The following HSPBP1 variants were observed in gnomAD, a reference collection of about 807,000 sequenced individuals.
HSPBP1 encodes the protein hsp70-binding protein 1.
HSPBP1 carries 31 observed loss-of-function variants against 41.7 expected under a neutral mutation model. That is an observed-to-expected ratio of 0.74 (90% CI 0.56 to 1.00). The LOEUF (loss-of-function observed/expected upper bound fraction) is 1.00, where lower values mean the gene tolerates loss of function less well. Ranked by LOEUF, HSPBP1 falls within the 50% of genes least tolerant of loss-of-function variation. The probability of loss-of-function intolerance (pLI) is 0.00; values close to 1 mark genes in which losing one functional copy is unlikely to be tolerated. For missense variants in HSPBP1, 439 were observed against 487.9 expected (o/e 0.90, Z 0.94); for synonymous variants, 199 against 214.4 (o/e 0.93, Z 0.63).
At chr19:55,263,255 G>C (rs1399893425) in intron 7 of HSPBP1, among the ~76,000 whole-genome samples, 1 of 152,158 alleles carries the variant, frequency 6.6e-6, no homozygotes, top group African/African-American at 2.4e-5. Flanking sequence ...TTCACTCATG[G>C]GAGAAATGTA....
intron 7 of HSPBP1, among the ~76,000 whole-genome samples, chr19:55,264,189 G>A (rs541502829): frequency 1.3e-5 from 2 of 152,130 alleles, no homozygotes; most frequent in South Asian, 4.2e-4. Context: ...GGCTGGTCTC[G>A]AACTCCTGAC....
chr19:55,265,260 C>T lies in HSPBP1; in HGVS notation c.1005+18G>A, dbSNP rs775660062. 27 of 1,578,598 alleles carry T rather than the reference C, an allele frequency of 1.7e-5. No homozygotes were observed. Among genetic ancestry groups the T allele is most frequent in the East Asian group, 1.1e-4 (5 of 44,294 alleles). The stretch of plus-strand genomic sequence containing the variant: ...CTTGCACCTGGTCCTCCTTGCACCC[C>T]GTCCCCTCCCCATGTACCTGGTACT... On this transcript the variant is annotated intron_variant, in intron 7 of 7. Transcript: ENST00000433386.
chr19:55,262,689 T>TGGGCAG lies in HSPBP1; in HGVS notation c.1006-13_1006-8dup, dbSNP rs2087676851. ...CACAGAACTCCAGCTCCTCCTGGAT[T>TGGGCAG]GGGCAGGGGCAGGGAGCAAGGGGCC... On this transcript the variant is annotated splice_region_variant and splice_polypyrimidine_tract_variant and intron_variant, in intron 7 of 7. Coordinates refer to ENST00000433386, the MANE Select transcript of HSPBP1 (RefSeq NM_012267.5). 6.2e-7 allele frequency: 1 copy of TGGGCAG among 1,611,962 alleles called. No homozygotes were observed. The highest frequency in any genetic ancestry group is 1.3e-5 in the African/African-American group (1 of 74,874).
chr19:55,277,707 T>C lies in HSPBP1; in HGVS notation c.350A>G (p.Gln117Arg). 1 of 1,605,302 alleles carries C rather than the reference T, an allele frequency of 6.2e-7. No homozygotes were observed. The highest frequency in any genetic ancestry group is 8.5e-7 in the Non-Finnish European group (1 of 1,176,848). Residue 117 changes from glutamine to arginine, a missense_variant, in exon 3 of 8, where the codon CAG (glutamine) becomes CGG (arginine). Coordinates refer to ENST00000433386, the MANE Select transcript of HSPBP1 (RefSeq NM_012267.5). ...TAGEAEQAAD[Q>R]QEREGALELL... Reference sequence around the variant, plus strand: ...CTCCAGGGCCCCCTCTCGCTCTTGCTGGTCGGCCGCCTGCTCGGCCTCCCC... The same window carrying C: ...CTCCAGGGCCCCCTCTCGCTCTTGCCGGTCGGCCGCCTGCTCGGCCTCCCC...
In HSPBP1 at chr19:55,273,139, A is replaced by C. The variant is rs924127592; in HGVS notation, c.640+1259T>G. Among the ~76,000 whole-genome samples the C allele has an allele frequency of 3.9e-5, 6 of 152,186 alleles. No individual in the cohort carries two copies. The East Asian group carries it at 1.2e-3, about 30-fold the overall frequency. On this transcript the variant is annotated intron_variant, in intron 4 of 7. Transcript: ENST00000433386. The stretch of plus-strand genomic sequence containing the variant: ...TGAGTAGATGGAGGTACAGTCACGC[A>C]CCACCACGTCCAGCTAATTTTTTAA...
intron 4 of HSPBP1, 51 bp downstream of exon 4, chr19:55,274,347 A>AACCCCCCCCCCC: frequency 3.1e-6 from 1 of 325,718 alleles, no homozygotes; most frequent in East Asian, 5.2e-5. Context: ...CCCACCCGGC[A>AACCCCCCCCCCC]CCCCCCCCCA....
rs1050230814 is a variant in HSPBP1, at chr19:55,277,901, G to A, written c.211-55C>T. 5.8e-5 allele frequency: 80 copies of A among 1,381,044 alleles called. No individual in the cohort carries two copies. In the African/African-American group the frequency reaches 1.0e-3, roughly 18 times the overall value. The allele number at this position is 1,381,044 out of a possible 1,614,324, so 85.5% of individuals were successfully genotyped here. The stretch of plus-strand genomic sequence containing the variant: ...AGATCCATCAGTCATTCATTACAAA[G>A]GAACAGCCATTAATAAAGACAGCCA... On this transcript the variant is annotated intron_variant, in intron 2 of 7. Transcript: ENST00000433386.
intron 4 of HSPBP1, among the ~76,000 whole-genome samples, chr19:55,269,730 G>A (rs1187328603): frequency 2.0e-5 from 3 of 152,200 alleles, no homozygotes; most frequent in East Asian, 3.8e-4. Flanking sequence ...CGGGAGCACA[G>A]AGGATTTGTA....
intron 4 of HSPBP1, among the ~76,000 whole-genome samples, chr19:55,267,479 G>A (rs1239188567): frequency 7.3e-6 from 1 of 137,024 alleles, no homozygotes; most frequent in African/African-American, 2.8e-5. Context: ...TTTTTTTTTT[G>A]AGACAGAGTC....
chr19:55,269,444 G>A (rs2087865750), intron 4 of HSPBP1, among the ~76,000 whole-genome samples: 1 of 152,066 alleles, frequency 6.6e-6, no homozygotes, highest in Admixed American at 6.6e-5. Flanking sequence ...CAGCAGTTGG[G>A]GGCAGGGATC....
In HSPBP1 at chr19:55,270,671, T is replaced by A. The variant is rs1285397878; in HGVS notation, c.640+3727A>T. 6.6e-6 allele frequency among the ~76,000 whole-genome samples: 1 copy of A among 151,952 alleles called. No individual in the cohort carries two copies. The highest frequency in any genetic ancestry group is 1.5e-5 in the Non-Finnish European group (1 of 67,966). On this transcript the variant is annotated intron_variant, in intron 4 of 7. Coordinates refer to ENST00000433386, the MANE Select transcript of HSPBP1 (RefSeq NM_012267.5). The surrounding 1 kb of genome is among the most constrained non-coding windows in gnomAD (Gnocchi z 5.4). ...GAAACGAGATTAATCCGTGTGTCTG[T>A]GTGCACACATACCACACACGACACA...
intron 2 of HSPBP1, 47 bp from the exon 3 acceptor site, chr19:55,277,893 A>G (rs1455731254): frequency 4.2e-6 from 6 of 1,417,178 alleles, no homozygotes; most frequent in Non-Finnish European, 4.7e-6. Context: ...TCAGTCATTC[A>G]TTACAAAGGA....
intron 4 of HSPBP1, among the ~76,000 whole-genome samples, chr19:55,266,791 G>GTA (rs1213736141): frequency 2.6e-5 from 4 of 152,128 alleles, no homozygotes; most frequent in Non-Finnish European, 4.4e-5. Flanking sequence ...TCACAGGGTT[G>GTA]TATAACCATC....
At position 55,273,020 on chromosome 19, in the gene HSPBP1, C is replaced by T. The variant is rs765032499; in HGVS notation, c.640+1378G>A. Among the ~76,000 whole-genome samples the T allele has an allele frequency of 8.5e-5, 13 of 152,154 alleles. 1 individual carries two copies. Among genetic ancestry groups the T allele is most frequent in the Non-Finnish European group, 1.5e-4 (10 of 68,032 alleles). ...TCTGGTTTTTGTGTTTGTTTTCAGA[C>T]AGGTCTTGCTCTGTCACGCAGGCTG... On this transcript the variant is annotated intron_variant, in intron 4 of 7. Transcript: ENST00000433386.
intron 4 of HSPBP1, among the ~76,000 whole-genome samples, 166 bp from the exon 5 acceptor site, chr19:55,266,452 C>A: frequency 7.7e-6 from 1 of 129,698 alleles, no homozygotes; most frequent in Non-Finnish European, 1.7e-5. Context: ...TTCTCATCCT[C>A]ACCACCATCA....
intron 4 of HSPBP1, among the ~76,000 whole-genome samples, chr19:55,267,151 C>T (rs1301891317): frequency 3.3e-5 from 5 of 151,872 alleles, no homozygotes; most frequent in South Asian, 2.1e-4. Flanking sequence ...TATTTATTTA[C>T]TTATTTATTT....
At chr19:55,274,347 A>ACCCCCCCCCCCCCCCCCCCC in intron 4 of HSPBP1, 51 bp downstream of exon 4, 1 of 325,716 alleles carries the variant, frequency 3.1e-6, no homozygotes. Context: ...CCCACCCGGC[A>ACCCCCCCCCCCCCCCCCCCC]CCCCCCCCCA....
intron 3 of HSPBP1, among the ~76,000 whole-genome samples, chr19:55,277,148 G>A (rs1055847511): frequency 5.3e-5 from 8 of 152,108 alleles, no homozygotes; most frequent in African/African-American, 1.2e-4. Context: ...CCACCCCAGC[G>A]CTGTTTCCTG....
chr19:55,279,279 T>C (rs2088162523), intron 2 of HSPBP1, 120 bp downstream of exon 2: 1 of 817,116 alleles, frequency 1.2e-6, no homozygotes. Context: ...CACACCTGGT[T>C]TTCTGCCTCC....
Sources: gnomAD v4.1 joint callset for allele counts (sites outside exome capture counted in the v4.1 genomes callset) on GRCh38, gnomAD v4.1.1 for gene constraint, Gnocchi (gnomAD v3.1) non-coding constraint, MANE v1.5 for transcripts, NCBI Gene and HGNC (gene_info 2026-07-23, HGNC 2026-07-21) for gene names.